Variants in UBE3D observed in about 807,000 individuals in gnomAD.
UBE3D encodes the protein ubiquitin protein ligase E3D.
UBE3D carries 48 observed loss-of-function variants against 49.6 expected under a neutral mutation model. The observed-to-expected ratio is 0.97, with a 90% CI of 0.77 to 1.23. UBE3D has a LOEUF of 1.23. Ranked by LOEUF, UBE3D falls within the 50% of genes most tolerant of loss-of-function variation. The pLI is 0.00. For synonymous variants in UBE3D, 189 were observed against 174.2 expected (o/e 1.08, Z -0.67); for missense variants, 452 against 468.4 (o/e 0.96, Z 0.32).
intron 9 of UBE3D, among the ~76,000 whole-genome samples, chr6:82,908,017 A>C (rs896784311): frequency 6.6e-6 from 1 of 152,202 alleles, no homozygotes; most frequent in Non-Finnish European, 1.5e-5. Flanking sequence ...AAAAAGAATG[A>C]ACTACTGATA....
At chr6:83,015,795 T>C (rs190308148) in intron 8 of UBE3D, among the ~76,000 whole-genome samples, 67 of 152,284 alleles carry the variant, frequency 4.4e-4, no homozygotes, top group Admixed American at 5.9e-4. Flanking sequence ...GGGAGGCCTG[T>C]TGCCTCAGGC....
the UBE3D span, among the ~76,000 whole-genome samples, chr6:82,887,388 A>AGTTTTTGTTTTGTTTTG: frequency 2.5e-5 from 2 of 79,158 alleles, no homozygotes; most frequent in South Asian, 3.6e-4. Flanking sequence ...AGACAGTAAC[A>AGTTTTTGTTTTGTTTTG]GTTTTTTTTT....
At chr6:82,934,951 T>C (rs983238774) in intron 9 of UBE3D, among the ~76,000 whole-genome samples, 14 of 136,430 alleles carry the variant, frequency 1.0e-4, no homozygotes, top group African/African-American at 3.7e-4. Flanking sequence ...TATATATGTA[T>C]ATATATGAAA....
chr6:83,059,765 C>A (rs555095239), intron 1 of UBE3D, among the ~76,000 whole-genome samples: 1 of 152,062 alleles, frequency 6.6e-6, no homozygotes, highest in Non-Finnish European at 1.5e-5. Context: ...TAGGGCCAAG[C>A]AAGGGAGGCA....
At chr6:83,027,451 A>AAAAAAAAAAAAAAAAAAAAAAAAAAAAC (rs1781555727) in intron 5 of UBE3D, among the ~76,000 whole-genome samples, 2 of 147,630 alleles carry the variant, frequency 1.4e-5, no homozygotes, top group Non-Finnish European at 3.0e-5. Context: ...AAAAAAAAAA[A>AAAAAAAAAAAAAAAAAAAAAAAAAAAAC]AAAAAAAAAA....
chr6:82,892,652 C>T lies in UBE3D; in HGVS notation c.*370G>A, dbSNP rs1771022378. ...TTACAGCAGTTAACATTCAGTTCCA[C>T]CAATAAAATTCCTCACTGGATTCCA... On this transcript the variant is annotated 3_prime_UTR_variant, in exon 10 of 10. Coordinates refer to ENST00000369747, the MANE Select transcript of UBE3D (RefSeq NM_198920.3). 1 of 215,492 alleles carries T rather than the reference C, an allele frequency of 4.6e-6. No homozygotes were observed. The highest frequency in any genetic ancestry group is 7.5e-5 in the South Asian group (1 of 13,422). The allele number at this position is 215,492 out of a possible 1,614,324, so 13.3% of individuals were successfully genotyped here.
chr6:82,985,014 T>TC, intron 8 of UBE3D, among the ~76,000 whole-genome samples: 1 of 136,168 alleles, frequency 7.3e-6, no homozygotes, highest in African/African-American at 2.7e-5. Context: ...TCTTCTTTTT[T>TC]TTTTTTTTTT....
At chr6:82,974,771 G>C (rs1252431214) in intron 8 of UBE3D, among the ~76,000 whole-genome samples, 1 of 94,164 alleles carries the variant, frequency 1.1e-5, no homozygotes, top group Non-Finnish European at 2.2e-5. Flanking sequence ...ATTTACCAAT[G>C]TTAAAAGACC....
At chr6:83,057,349 G>A (rs1312162178) in intron 2 of UBE3D, among the ~76,000 whole-genome samples, 1 of 148,360 alleles carries the variant, frequency 6.7e-6, no homozygotes, top group Non-Finnish European at 1.5e-5. Context: ...CAATTAGAAT[G>A]TAAGCTCCAT....
At chr6:82,940,952 C>A (rs1223629226) in intron 9 of UBE3D, among the ~76,000 whole-genome samples, 1 of 152,142 alleles carries the variant, frequency 6.6e-6, no homozygotes, top group Non-Finnish European at 1.5e-5. Flanking sequence ...GTGCTTCACA[C>A]CTGTAATCGC....
intron 8 of UBE3D, among the ~76,000 whole-genome samples, chr6:82,994,424 G>C (rs1779105841): frequency 6.6e-6 from 1 of 152,126 alleles, no homozygotes; most frequent in Non-Finnish European, 1.5e-5. Context: ...ACATGACAGA[G>C]AGTATGACAG....
chr6:83,006,965 TAAAG>T (rs1475872772), intron 8 of UBE3D, among the ~76,000 whole-genome samples: 1 of 151,312 alleles, frequency 6.6e-6, no homozygotes, highest in African/African-American at 2.4e-5. Context: ...CCTGCTGAAA[TAAAG>T]AAAAAAAGAT....
intron 8 of UBE3D, among the ~76,000 whole-genome samples, chr6:82,992,058 A>C (rs1778923445): frequency 6.6e-6 from 1 of 152,178 alleles, no homozygotes; most frequent in South Asian, 2.1e-4. Flanking sequence ...CTTTTGTTTT[A>C]ATAGATTCCA....
chr6:82,947,874 G>C (rs1006998782), intron 9 of UBE3D, among the ~76,000 whole-genome samples: 1 of 151,896 alleles, frequency 6.6e-6, no homozygotes, highest in Non-Finnish European at 1.5e-5. Flanking sequence ...AGTAGTTCTA[G>C]GAGGGAAGTT....
At chr6:83,061,517 T>C (rs971715308) in intron 1 of UBE3D, among the ~76,000 whole-genome samples, 3 of 152,236 alleles carry the variant, frequency 2.0e-5, no homozygotes, top group African/African-American at 2.4e-5. Flanking sequence ...TTGACTTGTA[T>C]TCTGTCAGGT....
intron 8 of UBE3D, among the ~76,000 whole-genome samples, chr6:82,996,939 A>C (rs1779282950): frequency 6.6e-6 from 1 of 152,208 alleles, no homozygotes; most frequent in South Asian, 2.1e-4. Context: ...TATAGTCTGA[A>C]ACATAGTTAA....
chr6:82,928,533 G>T (rs910106223), intron 9 of UBE3D, among the ~76,000 whole-genome samples: 10 of 152,096 alleles, frequency 6.6e-5, no homozygotes, highest in African/African-American at 2.4e-4. Flanking sequence ...CTGTTTCAGG[G>T]ACACCAACCA....
chr6:82,897,198 T>G (rs1342954325), intron 9 of UBE3D, among the ~76,000 whole-genome samples: 1 of 152,278 alleles, frequency 6.6e-6, no homozygotes, highest in East Asian at 1.9e-4. Flanking sequence ...TAGATATGTA[T>G]TTTTGTCCAG....
intron 9 of UBE3D, among the ~76,000 whole-genome samples, chr6:82,910,329 C>T (rs1404544874): frequency 6.6e-6 from 1 of 152,246 alleles, no homozygotes; most frequent in East Asian, 1.9e-4. Flanking sequence ...ATATTTGTTG[C>T]CTGGAATGAA....
Sources: allele counts gnomAD v4.1 joint callset (sites outside exome capture counted in the v4.1 genomes callset), GRCh38; gene constraint gnomAD v4.1.1; transcripts MANE v1.5; gene names NCBI Gene and HGNC (gene_info 2026-07-23, HGNC 2026-07-21).